Variants in BRWD1 observed in about 807,000 individuals in gnomAD.
BRWD1 encodes bromodomain and WD repeat domain containing 1.
BRWD1 carries 82 observed loss-of-function variants against 251.2 expected under a neutral mutation model. The ratio of observed to expected loss-of-function variants is 0.33; its 90% CI spans 0.27 to 0.39. The LOEUF is 0.39. Among genes scored for constraint, BRWD1 ranks in the 10% least tolerant of loss-of-function variants. The pLI, the probability that BRWD1 is intolerant of heterozygous loss-of-function variation, is 1.00. For missense variants in BRWD1, 2,233 were observed against 2,711.6 expected (o/e 0.82, Z 3.92); for synonymous variants, 918 against 902.8 (o/e 1.02, Z -0.30).
intron 17 of BRWD1, among the ~76,000 whole-genome samples, chr21:39,261,910 C>T (rs2034763445): frequency 1.3e-5 from 2 of 152,170 alleles, no homozygotes; most frequent in South Asian, 2.1e-4. Context: ...GTACTTAATA[C>T]TTAAATCCCA....
rs2146461096 is a variant in BRWD1 at position 39,199,294 on chromosome 21, C to T, written c.5122G>A (p.Ala1708Thr). 6.2e-7 allele frequency: 1 copy of T among 1,614,188 alleles called. No individual in the cohort carries two copies. Among genetic ancestry groups the T allele is most frequent in the Admixed American group, 1.7e-5 (1 of 60,026 alleles). ...QLLPVSSSHT[A>T]QSNVDESENR... is the part of the protein sequence containing the mutation. ...TCAGATTCATCAACATTGCTCTGGG[C>T]AGTGTGAGAACTGGACACTGGTAAT... Residue 1708 changes from alanine to threonine, a missense_variant, in exon 40 of 41, where the codon GCC becomes ACC. By Grantham distance (58) the Ala-to-Thr change is moderately conservative (BLOSUM62 0). Transcript: ENST00000342449.
At chr21:39,217,080 TATA>T (rs1190142739) in intron 31 of BRWD1, 41 of 13,536 alleles carry the variant, frequency 3.0e-3, no homozygotes, top group South Asian at 0.016. Context: ...TATATATATA[TATA>T]TTTTTTTTTT....
chr21:39,185,837 C>G lies in BRWD1; in HGVS notation c.*10422G>C, dbSNP rs2031201821. The G allele has an allele frequency of 6.6e-6, 1 of 152,138 alleles. No homozygotes were observed. 9.4% of individuals were successfully genotyped at this position (152,138 alleles called of 1,614,324 possible). ...TTTAAATGGGAAAACAACTTACTTT[C>G]AACAACTTAATTTTTCCAGTAACAC... On this transcript the variant is annotated 3_prime_UTR_variant, in exon 41 of 41. Transcript: ENST00000342449.
intron 29 of BRWD1, among the ~76,000 whole-genome samples, chr21:39,221,775 A>G (rs143591026): frequency 0.015 from 2,309 of 152,214 alleles, 57 homozygotes; most frequent in African/African-American, 0.053. Context: ...TGGGTGGCAC[A>G]TGCCTATAGT....
chr21:39,198,751 G>T lies in BRWD1; in HGVS notation c.5653+12C>A, dbSNP rs760183045. ...AGTCAATCAGTGAACAAAGATAAAT[G>T]TTTTGAATTACCTTTCATAAAATTG... On this transcript the variant is annotated intron_variant, in intron 40 of 40. Coordinates refer to ENST00000342449, the MANE Select transcript of BRWD1 (RefSeq NM_033656.4). The T allele has an allele frequency of 6.4e-7, 1 of 1,554,634 alleles. No individual in the cohort carries two copies. Among genetic ancestry groups the T allele is most frequent in the Non-Finnish European group, 8.7e-7 (1 of 1,146,468 alleles).
At chr21:39,291,844 T>C (rs867278484) in intron 8 of BRWD1, among the ~76,000 whole-genome samples, 1 of 152,214 alleles carries the variant, frequency 6.6e-6, no homozygotes, top group Non-Finnish European at 1.5e-5. Flanking sequence ...TTATGCACAT[T>C]ACCCTCCTTA....
At chr21:39,273,066 AG>A (rs2035168848) in intron 13 of BRWD1, among the ~76,000 whole-genome samples, 1 of 152,260 alleles carries the variant, frequency 6.6e-6, no homozygotes, top group Non-Finnish European at 1.5e-5. Flanking sequence ...TAAAATGAGA[AG>A]ATATTTTCTC....
intron 8 of BRWD1, among the ~76,000 whole-genome samples, chr21:39,291,386 C>A (rs2035802994): frequency 6.6e-6 from 1 of 152,130 alleles, no homozygotes; most frequent in Non-Finnish European, 1.5e-5. Flanking sequence ...CCTTACAAAT[C>A]ATCTAACAAT....
In BRWD1 at chr21:39,210,005, T is replaced by G. The variant is rs1455536640; in HGVS notation, c.4187A>C (p.Lys1396Thr). Residue 1396 changes from lysine to threonine, a missense_variant, in exon 36 of 41, where the codon AAA (lysine) becomes ACA (threonine). Around this residue, in one of 12 missense-constraint regions of BRWD1, gnomAD observed 69 missense variants for 101.6 expected, o/e 0.68. Transcript: ENST00000342449. ...FSNAKAYTPN[K>T]RSKIYSMTLR... ...CACATAAAAAATTACCTTTGATCTT[T>G]TGTTTGGTGTATACGCTTTTGCATT... The G allele has an allele frequency of 6.2e-7, 1 of 1,611,350 alleles. No individual in the cohort carries two copies. Among genetic ancestry groups the G allele is most frequent in the African/African-American group, 1.3e-5 (1 of 74,754 alleles).
intron 8 of BRWD1, among the ~76,000 whole-genome samples, chr21:39,285,205 G>C (rs1354230590): frequency 6.6e-6 from 1 of 152,176 alleles, no homozygotes; most frequent in African/African-American, 2.4e-5. Flanking sequence ...AGGCCATTAT[G>C]TTAAGTGAAA....
chr21:39,297,097 T>C lies in BRWD1; in HGVS notation c.350-734A>G, dbSNP rs559655635. 1.5e-4 allele frequency: 150 copies of C among 985,406 alleles called. No homozygotes were observed. In the African/African-American group the frequency reaches 2.5e-3, roughly 16 times the overall value. 61.0% of individuals were successfully genotyped at this position (985,406 alleles called of 1,614,324 possible). On this transcript the variant is annotated intron_variant, in intron 5 of 40. Transcript: ENST00000342449. ...ACACTAATTCAAAGTCCATCCCTCC[T>C]TGACCTACCAGCAAATGCACTAAGA...
At chr21:39,282,391 G>C (rs1276006774) in intron 8 of BRWD1, among the ~76,000 whole-genome samples, 1 of 152,110 alleles carries the variant, frequency 6.6e-6, no homozygotes, top group Non-Finnish European at 1.5e-5. Context: ...TTATATCTAA[G>C]TAGATATGTT....
chr21:39,277,812 C>T (rs139438103), intron 10 of BRWD1, among the ~76,000 whole-genome samples: 3 of 152,048 alleles, frequency 2.0e-5, no homozygotes, highest in Non-Finnish European at 4.4e-5. Flanking sequence ...GTGATCCACC[C>T]GCCTCAGCCT....
At position 39,202,376 on chromosome 21, in the gene BRWD1, A is replaced by T; in HGVS notation, c.4534T>A (p.Ser1512Thr). The change falls in exon 38 of 41, where the codon TCA becomes ACA. Residue 1512 changes from serine (S) to threonine (T), a missense_variant. This residue lies in a region of BRWD1 where 928 missense variants were observed against 970.0 expected (regional missense o/e 0.96). Transcript: ENST00000342449. Reference sequence around the variant, plus strand: ...GGTCTATTTCTTTTCCTCCTTTCTGATGATTCTGCTGAATCTGAAGAGTCA... The same window carrying T: ...GGTCTATTTCTTTTCCTCCTTTCTGTTGATTCTGCTGAATCTGAAGAGTCA... ...SGDSSDSAESSERRKRNRPIT... is the reference protein window; with the variant it reads ...SGDSSDSAESTERRKRNRPIT... The T allele has an allele frequency of 1.2e-6, 2 of 1,613,808 alleles. No homozygotes were observed. Among genetic ancestry groups the T allele is most frequent in the Non-Finnish European group, 1.7e-6 (2 of 1,179,782 alleles).
intron 17 of BRWD1, among the ~76,000 whole-genome samples, chr21:39,259,920 C>T (rs1356725363): frequency 6.6e-6 from 1 of 151,940 alleles, no homozygotes; most frequent in Non-Finnish European, 1.5e-5. Flanking sequence ...AACTTGCCAC[C>T]ATAAAGACAG....
chr21:39,309,718 G>A lies in BRWD1; in HGVS notation c.198+3123C>T, dbSNP rs8128995. Among the ~76,000 whole-genome samples, 1,230 of 151,904 alleles carry A rather than the reference G, an allele frequency of 8.1e-3. 15 individuals carry two copies. The highest frequency in any genetic ancestry group is 0.029 in the African/African-American group (1,196 of 41,388). ...CGGACGCCTGTAGTCCCAGCTACTCGGGAGGCTGAGGCTGGAGAATGGCGT... is the reference window on the plus strand; with the variant it reads ...CGGACGCCTGTAGTCCCAGCTACTCAGGAGGCTGAGGCTGGAGAATGGCGT... On this transcript the variant is annotated intron_variant, in intron 4 of 40. Transcript: ENST00000342449.
chr21:39,223,951 C>CG (rs747251063), intron 29 of BRWD1, among the ~76,000 whole-genome samples: 2 of 152,134 alleles, frequency 1.3e-5, no homozygotes, highest in Non-Finnish European at 2.9e-5. Context: ...CGGGTTCAAA[C>CG]AATTCTCCTG....
chr21:39,215,495 T>A (rs1308552988), intron 31 of BRWD1, 133 bp from the exon 32 acceptor site: 1 of 732,464 alleles, frequency 1.4e-6, no homozygotes, highest in African/African-American at 1.8e-5. Context: ...ATGAATAACC[T>A]TCTAATGCTC....
At chr21:39,250,966 G>T in intron 19 of BRWD1, 77 bp from the exon 20 acceptor site, 1 of 821,862 alleles carries the variant, frequency 1.2e-6, no homozygotes, top group Non-Finnish European at 1.9e-6. Flanking sequence ...AAAAACCAGT[G>T]TGATTCTATA....
Sources: allele counts gnomAD v4.1 joint callset (sites outside exome capture counted in the v4.1 genomes callset), GRCh38; gene constraint gnomAD v4.1.1; regional missense constraint gnomAD v4.1.1; transcripts MANE v1.5; gene names NCBI Gene and HGNC (gene_info 2026-07-23, HGNC 2026-07-21).